FREM1: variants seen among roughly 807,000 people sequenced by gnomAD.
The protein encoded by FREM1 is FRAS1-related extracellular matrix protein 1.
Under a neutral mutation model 210.1 loss-of-function variants are expected in FREM1, and 220 were observed. The ratio of observed to expected loss-of-function variants is 1.05; its 90% confidence interval spans 0.94 to 1.17. The LOEUF is 1.17. FREM1 is among the 50% of genes most tolerant of loss of function. FREM1 has a pLI of 0.00. For synonymous variants in FREM1, 1,189 were observed against 980.2 expected, an observed-to-expected ratio of 1.21 and a Z score of -3.98; for missense variants, 3,454 against 2,675.5, an observed-to-expected ratio of 1.29 and a Z score of -6.42.
intron 10 of FREM1, among the ~76,000 whole-genome samples, chr9:14,832,678 G>A (rs1823791292): frequency 6.6e-6 from 1 of 152,086 alleles, no homozygotes. Flanking sequence ...AGCGGGGAGG[G>A]AACCCAGAAG....
intron 4 of FREM1, 73 bp from the exon 5 acceptor site, chr9:14,857,822 G>A (rs537173110): frequency 7.2e-5 from 77 of 1,069,104 alleles, no homozygotes; most frequent in Non-Finnish European, 9.6e-5. Context: ...CCAGTACTCC[G>A]TCCCATGAAT....
chr9:14,863,653 T>C (rs540663194), intron 3 of FREM1, among the ~76,000 whole-genome samples, 156 bp downstream of exon 3: 1 of 152,280 alleles, frequency 6.6e-6, no homozygotes, highest in East Asian at 1.9e-4. Flanking sequence ...CTACAAATCT[T>C]GCCTGATCCA....
chr9:14,870,218 C>T (rs1045592535), intron 1 of FREM1, among the ~76,000 whole-genome samples: 1 of 152,222 alleles, frequency 6.6e-6, no homozygotes, highest in African/African-American at 2.4e-5. Context: ...TGTAGAAGAA[C>T]AAATGCCTCC....
intron 10 of FREM1, among the ~76,000 whole-genome samples, chr9:14,827,396 G>A (rs1233360299): frequency 1.3e-5 from 2 of 152,216 alleles, no homozygotes; most frequent in Non-Finnish European, 2.9e-5. Context: ...GAGCAGGGAT[G>A]AGGTAGGATG....
At chr9:14,838,907 C>T (rs551627240) in intron 10 of FREM1, among the ~76,000 whole-genome samples, 13 of 152,160 alleles carry the variant, frequency 8.5e-5, no homozygotes, top group African/African-American at 3.1e-4. Context: ...GGAATGGGGT[C>T]GTCAGAGGAT....
Position 14,797,449 on chromosome 9 carries a change from T to A in FREM1, c.3839+49A>T, listed in dbSNP as rs1852640397. The A allele has an allele frequency of 2.0e-6, 3 of 1,509,236 alleles. No homozygotes were observed. In the East Asian group the frequency reaches 6.8e-5, roughly 34 times the overall value. The allele number at this position is 1,509,236 out of a possible 1,614,324, so 93.5% of individuals were successfully genotyped here. On this transcript the variant is annotated intron_variant, in intron 21 of 36. Coordinates refer to ENST00000380880, the MANE Select transcript of FREM1 (RefSeq NM_001379081.2). ...ACACCTGTACCTAGTATTGTAGATT[T>A]CATAGAATTGTATAGAAATCTGAAA...
chr9:14,828,361 C>T (rs886198844), intron 10 of FREM1, among the ~76,000 whole-genome samples: 1 of 152,170 alleles, frequency 6.6e-6, no homozygotes, highest in Non-Finnish European at 1.5e-5. Context: ...CTATTTCTCC[C>T]TCTTGGAAGA....
chr9:14,749,770 G>A (rs1271112427), intron 30 of FREM1, among the ~76,000 whole-genome samples: 1 of 152,236 alleles, frequency 6.6e-6, no homozygotes, highest in East Asian at 1.9e-4. Flanking sequence ...CAGATTTTAG[G>A]CATTAAGAGT....
chr9:14,895,955 C>A (rs1837638424), intron 1 of FREM1, among the ~76,000 whole-genome samples: 1 of 152,134 alleles, frequency 6.6e-6, no homozygotes, highest in East Asian at 1.9e-4. Context: ...ACCAGAGTAA[C>A]TCCAACTTGA....
At chr9:14,784,945 T>A (rs2132873266) in intron 23 of FREM1, among the ~76,000 whole-genome samples, 1 of 152,370 alleles carries the variant, frequency 6.6e-6, no homozygotes, top group African/African-American at 2.4e-5. Flanking sequence ...GAAGCCTGAC[T>A]GTACAAAGTG....
In FREM1 at chr9:14,836,728, T is replaced by C. The variant is rs1824684138; in HGVS notation, c.1881+4719A>G. Among the ~76,000 whole-genome samples the C allele has an allele frequency of 6.6e-6, 1 of 152,184 alleles. No individual in the cohort carries two copies. Among genetic ancestry groups the C allele is most frequent in the Admixed American group, 6.5e-5 (1 of 15,276 alleles). ...CTGCAAACTGAACCGCATGTGGACATGCCATTCTTCCGAGGACCCTTAAAT... is the reference window on the plus strand; with the variant it reads ...CTGCAAACTGAACCGCATGTGGACACGCCATTCTTCCGAGGACCCTTAAAT... On this transcript the variant is annotated intron_variant, in intron 10 of 36. Coordinates refer to ENST00000380880, the MANE Select transcript of FREM1 (RefSeq NM_001379081.2). This position sits in a 1 kb window ranked among gnomAD's most constrained non-coding sequence, Gnocchi z 4.9.
chr9:14,753,382 C>A (rs1843719184), intron 29 of FREM1, among the ~76,000 whole-genome samples: 1 of 152,198 alleles, frequency 6.6e-6, no homozygotes, highest in African/African-American at 2.4e-5. Context: ...ATTAAGAATG[C>A]TGCAAGCCTT....
rs1427043236 is a variant in FREM1, at chr9:14,860,759, ATG to A, written c.330-1277_330-1276del. Among the ~76,000 whole-genome samples, 486 of 103,938 alleles carry A rather than the reference ATG, an allele frequency of 4.7e-3. 13 individuals carry two copies. Among genetic ancestry groups the A allele is most frequent in the African/African-American group, 0.013 (260 of 20,764 alleles). The allele number at this position is 103,938 out of a possible 152,430, so 68.2% of individuals were successfully genotyped here. A position where few individuals can be genotyped will look rare whatever the true frequency, so the allele number is the denominator to read the frequency against. On this transcript the variant is annotated intron_variant, in intron 3 of 36. Transcript: ENST00000380880. ...TATACACATATATATGCACATATAT[ATG>A]CACATATATACACATATATACATAT... is the stretch of plus-strand genomic sequence containing the variant.
intron 1 of FREM1, among the ~76,000 whole-genome samples, chr9:14,900,561 G>C (rs1253137922): frequency 6.6e-6 from 1 of 152,128 alleles, no homozygotes; most frequent in East Asian, 1.9e-4. Context: ...GCAAGACCCA[G>C]TGTGGTGGTG....
intron 2 of FREM1, among the ~76,000 whole-genome samples, chr9:14,867,192 T>C (rs1447640747): frequency 6.6e-6 from 1 of 152,174 alleles, no homozygotes; most frequent in African/African-American, 2.4e-5. Flanking sequence ...TCCCTGTAGT[T>C]GGGTCTCTAT....
chr9:14,853,752 CGAT>C (rs1395935576), intron 5 of FREM1, among the ~76,000 whole-genome samples: 4 of 152,104 alleles, frequency 2.6e-5, no homozygotes, highest in South Asian at 2.1e-4. Flanking sequence ...GGCAGGTGAA[CGAT>C]ACTGAGATGT....
chr9:14,792,879 G>T lies in FREM1; in HGVS notation c.3845C>A (p.Ala1282Asp). 1 of 1,569,202 alleles carries T rather than the reference G, an allele frequency of 6.4e-7. No individual in the cohort carries two copies. ...TTCACCCATATTCATTGCAATTTCA[G>T]CCTTCCTGTAAAAAGAAAAATGTCT... ...NDEKPMLSKK[A>D]EIAMNMGETR... is the part of the protein sequence containing the mutation. The change falls in exon 22 of 37, where the codon GCT becomes GAT. Residue 1282 changes from alanine to aspartate, a missense_variant. Ala to Asp is a moderately radical substitution (Grantham distance 126, BLOSUM62 -2). Transcript: ENST00000380880.
At position 14,750,116 on chromosome 9, in the gene FREM1, C is replaced by A; in HGVS notation, c.5557+11G>T. ...CCGCTCCTGATTTCAAGATGAGGAT[C>A]AAAAGAATACCTCCTTTTGAGTCCA... is the stretch of plus-strand genomic sequence containing the variant. On this transcript the variant is annotated intron_variant, in intron 30 of 36. Coordinates refer to ENST00000380880, the MANE Select transcript of FREM1 (RefSeq NM_001379081.2). 2 of 1,613,018 alleles carry A rather than the reference C, an allele frequency of 1.2e-6. No individual in the cohort carries two copies. The highest frequency in any genetic ancestry group is 2.2e-5 in the South Asian group (2 of 90,746).
At chr9:14,792,953 T>C (rs1851685437) in intron 21 of FREM1, 69 bp from the exon 22 acceptor site, 1 of 981,780 alleles carries the variant, frequency 1.0e-6, no homozygotes, top group Non-Finnish European at 1.5e-6. Flanking sequence ...GACACTTATA[T>C]TGACTATCAC....
Sources: allele counts gnomAD v4.1 joint callset (sites outside exome capture counted in the v4.1 genomes callset), GRCh38; gene constraint gnomAD v4.1.1; non-coding constraint Gnocchi (gnomAD v3.1); transcripts MANE v1.5; gene names NCBI Gene and HGNC (gene_info 2026-07-23, HGNC 2026-07-21).